The following KLRC4 variants were observed in gnomAD, a reference collection of about 807,000 sequenced individuals.
KLRC4 encodes killer cell lectin like receptor C4, also known as NKG2-F type II integral membrane protein.
KLRC4 carries 6 observed loss-of-function variants against 14.3 expected under a neutral mutation model. The ratio of observed to expected loss-of-function variants is 0.42; its 90% CI spans 0.23 to 0.83. The LOEUF (loss-of-function observed/expected upper bound fraction) is 0.83. KLRC4 is among the 40% of genes least tolerant of loss of function. The pLI is 0.29. For synonymous variants in KLRC4, 53 were observed against 60.5 expected (o/e 0.88, Z 0.57); for missense variants, 158 against 179.4 (o/e 0.88, Z 0.68).
At chr12:10,409,256 T>C (rs776956429) in intron 1 of KLRC4, 133 bp downstream of exon 1, 11 of 1,008,172 alleles carry the variant, frequency 1.1e-5, no homozygotes, top group Non-Finnish European at 1.6e-5. Context: ...TCAGATTTCA[T>C]ATTAGAATAT....
chr12:10,409,065 G>A (rs1402875539), intron 1 of KLRC4, 55 bp from the exon 2 acceptor site: 1 of 1,596,316 alleles, frequency 6.3e-7, no homozygotes, highest in African/African-American at 1.3e-5. Flanking sequence ...TGATGAGAAG[G>A]TTTACGTACA....
intron 2 of KLRC4, among the ~76,000 whole-genome samples, chr12:10,408,680 C>G (rs2617171): frequency 0.56 from 83,750 of 148,592 alleles, 25,512 homozygotes; most frequent in Non-Finnish European, 0.68. Flanking sequence ...ATACATCTCT[C>G]TGTGTGTGTA....
At chr12:10,408,552 G>A (rs957974386) in intron 2 of KLRC4, among the ~76,000 whole-genome samples, 170 bp from the exon 3 acceptor site, 29 of 151,996 alleles carry the variant, frequency 1.9e-4, no homozygotes, top group Non-Finnish European at 3.7e-4. Flanking sequence ...TATTTTTAAA[G>A]CCATTAGCAT....
In KLRC4 at chr12:10,409,699, T is replaced by G. The variant is rs1194871222; in HGVS notation, c.-124A>C. On this transcript the variant is annotated 5_prime_UTR_variant, in exon 1 of 4. Coordinates refer to ENST00000309384, the MANE Select transcript of KLRC4 (RefSeq NM_013431.2). ...ACTGCATGTGTTGGAGGCTGAGTAG[T>G]AATGTTCATTTTGCTGTTGACCAAT... The G allele has an allele frequency of 3.0e-6, 4 of 1,324,496 alleles. No individual in the cohort carries two copies. The East Asian group carries it at 1.0e-4, about 33-fold the overall frequency. The allele number at this position is 1,324,496 out of a possible 1,614,324, so 82.0% of individuals were successfully genotyped here.
chr12:10,407,584 G>A lies in KLRC4; in HGVS notation c.*69C>T. On this transcript the variant is annotated 3_prime_UTR_variant, in exon 4 of 4. Coordinates refer to ENST00000309384, the MANE Select transcript of KLRC4 (RefSeq NM_013431.2). The stretch of plus-strand genomic sequence containing the variant: ...ACATATGGATGATTTCTACAAATAT[G>A]ATATTGACAGAAATAAGCTTTTAGT... 1 of 1,531,026 alleles carries A rather than the reference G, an allele frequency of 6.5e-7. No individual in the cohort carries two copies. The highest frequency in any genetic ancestry group is 8.9e-7 in the Non-Finnish European group (1 of 1,124,370). 94.8% of individuals were successfully genotyped at this position (1,531,026 alleles called of 1,614,324 possible).
chr12:10,408,452 T>G (rs1327571763), intron 2 of KLRC4, 70 bp from the exon 3 acceptor site: 10 of 749,794 alleles, frequency 1.3e-5, no homozygotes, highest in Non-Finnish European at 2.2e-5. Flanking sequence ...GTTGCTTACT[T>G]TGAAATACAA....
chr12:10,409,046 A>T, intron 1 of KLRC4, 36 bp from the exon 2 acceptor site: 1 of 1,611,326 alleles, frequency 6.2e-7, no homozygotes, highest in Non-Finnish European at 8.5e-7. Context: ...GAGAGGGGAG[A>T]TAGAGAGTTG....
chr12:10,408,525 G>A (rs1863536045), intron 2 of KLRC4, 143 bp from the exon 3 acceptor site: 1 of 565,972 alleles, frequency 1.8e-6, no homozygotes, highest in Non-Finnish European at 3.0e-6. Context: ...TAAAAATAAT[G>A]AGATCTTTAA....
At chr12:10,409,049 G>A (rs1863544593) in intron 1 of KLRC4, 39 bp from the exon 2 acceptor site, 2 of 1,608,402 alleles carry the variant, frequency 1.2e-6, no homozygotes, top group Non-Finnish European at 1.7e-6. Flanking sequence ...AGGGGAGATA[G>A]AGAGTTGATG....
chr12:10,408,010 A>G (rs1863525358), intron 3 of KLRC4, among the ~76,000 whole-genome samples: 1 of 152,102 alleles, frequency 6.6e-6, no homozygotes, highest in Admixed American at 6.6e-5. Flanking sequence ...GCCCGCCAAC[A>G]AAAATCCACC....
intron 1 of KLRC4, 53 bp from the exon 2 acceptor site, chr12:10,409,063 A>C: frequency 6.3e-7 from 1 of 1,598,962 alleles, no homozygotes; most frequent in Non-Finnish European, 8.6e-7. Flanking sequence ...GTTGATGAGA[A>C]GGTTTACGTA....
Position 10,407,737 on chromosome 12 carries a change from A to G in KLRC4, c.393T>C (p.Cys131=). 6.2e-7 allele frequency: 1 copy of G among 1,613,884 alleles called. No homozygotes were observed. The highest frequency in any genetic ancestry group is 8.5e-7 in the Non-Finnish European group (1 of 1,179,862). ...TTCTTCTTTCCTTACCAATGTAATAACAACTGTTGGAATATGTAATCCACT... is the reference window on the plus strand; with the variant it reads ...TTCTTCTTTCCTTACCAATGTAATAGCAACTGTTGGAATATGTAATCCACT... ...PEEWITYSNS[C]YYIGKERRTW... The change falls in exon 4 of 4, where the codon TGT becomes TGC. Residue 131 remains cysteine, a synonymous_variant. Coordinates refer to ENST00000309384, the MANE Select transcript of KLRC4 (RefSeq NM_013431.2).
rs1477526487 is a variant in KLRC4 at position 10,408,900 on chromosome 12, G to T, written c.286+12C>A. The T allele has an allele frequency of 4.3e-6, 7 of 1,613,404 alleles. No homozygotes were observed. Among genetic ancestry groups the T allele is most frequent in the Non-Finnish European group, 5.9e-6 (7 of 1,179,550 alleles). On this transcript the variant is annotated intron_variant, in intron 2 of 3. Coordinates refer to ENST00000309384, the MANE Select transcript of KLRC4 (RefSeq NM_013431.2). ...GAAAAGTTCCCTTATAATCTTTCAA[G>T]AATATGCTTACAAGGAATAAGAACT...
chr12:10,409,049 G>C (rs1863544593), intron 1 of KLRC4, 39 bp from the exon 2 acceptor site: 1 of 1,608,402 alleles, frequency 6.2e-7, no homozygotes, highest in Non-Finnish European at 8.5e-7. Flanking sequence ...AGGGGAGATA[G>C]AGAGTTGATG....
chr12:10,409,026 G>GAGGC lies in KLRC4; in HGVS notation c.188-20_188-17dup. The GAGGC allele has an allele frequency of 6.2e-7, 1 of 1,612,968 alleles. No individual in the cohort carries two copies. Among genetic ancestry groups the GAGGC allele is most frequent in the South Asian group, 1.1e-5 (1 of 90,574 alleles). Reference sequence around the variant, plus strand: ...GGCAGTAAACCTGCAGGGAGAGAAAGAGGCACTGAGAGAGGGGAGATAGAG... The same window carrying GAGGC: ...GGCAGTAAACCTGCAGGGAGAGAAAGAGGCAGGCACTGAGAGAGGGGAGATAGAG... On this transcript the variant is annotated splice_polypyrimidine_tract_variant and intron_variant, in intron 1 of 3. Transcript: ENST00000309384.
At position 10,408,957 on chromosome 12, in the gene KLRC4, T is replaced by A. The variant is rs148702713; in HGVS notation, c.241A>T (p.Ile81Phe). The change falls in exon 2 of 4, where the codon ATT (isoleucine) becomes TTT (phenylalanine). Residue 81 changes from isoleucine (I) to phenylalanine (F), a missense_variant. Transcript: ENST00000309384. Reference sequence around the variant, plus strand: ...TTTAACACAGTGGCCATCAGGACAATGCAAATGATTCCTAGGACCTCAGCA... The same window carrying A: ...TTTAACACAGTGGCCATCAGGACAAAGCAAATGATTCCTAGGACCTCAGCA... ...LTAEVLGIIC[I>F]VLMATVLKTI... 1 of 1,613,752 alleles carries A rather than the reference T, an allele frequency of 6.2e-7. No individual in the cohort carries two copies. The highest frequency in any genetic ancestry group is 8.5e-7 in the Non-Finnish European group (1 of 1,179,744).
At chr12:10,408,504 T>A in intron 2 of KLRC4, 122 bp from the exon 3 acceptor site, 2 of 597,088 alleles carry the variant, frequency 3.3e-6, no homozygotes, top group Non-Finnish European at 5.7e-6. Context: ...GAAATAAAAA[T>A]GACTTTTCTA....
rs538751063 is a variant in KLRC4 at position 10,409,619 on chromosome 12, G to A, written c.-44C>T. 8 of 1,568,702 alleles carry A rather than the reference G, an allele frequency of 5.1e-6. No individual in the cohort carries two copies. Among genetic ancestry groups the A allele is most frequent in the Non-Finnish European group, 6.0e-6 (7 of 1,160,186 alleles). On this transcript the variant is annotated 5_prime_UTR_variant, in exon 1 of 4. Coordinates refer to ENST00000309384, the MANE Select transcript of KLRC4 (RefSeq NM_013431.2). ...TCAGGGACTGTGCTCTATGATAACT[G>A]CACTTAAGAAGCTATAAGTGGTGTA...
chr12:10,407,845 TTTATA>T, intron 3 of KLRC4, 56 bp from the exon 4 acceptor site: 1 of 1,560,820 alleles, frequency 6.4e-7, no homozygotes, highest in South Asian at 1.2e-5. Context: ...TGAAAATTAT[TTTATA>T]TATTTGCAAA....
Sources: gnomAD v4.1 joint callset for allele counts (sites outside exome capture counted in the v4.1 genomes callset) on GRCh38, gnomAD v4.1.1 for gene constraint, MANE v1.5 for transcripts, NCBI Gene and HGNC (gene_info 2026-07-23, HGNC 2026-07-21) for gene names.